The following TSC22D3 variants were observed in gnomAD, a reference collection of about 807,000 sequenced individuals.
The protein encoded by TSC22D3 is TSC22 domain family protein 3.
TSC22D3 carries 4 observed loss-of-function variants against 11.1 expected under a neutral mutation model. That is an observed-to-expected ratio of 0.36 (90% CI 0.18 to 0.83). The LOEUF is 0.83. Ranked by LOEUF, TSC22D3 falls within the 40% of genes least tolerant of loss-of-function variation. The pLI, the probability that TSC22D3 is intolerant of heterozygous loss-of-function variation, is 0.48. For missense variants in TSC22D3, 118 were observed against 159.4 expected (o/e 0.74, Z 1.40); for synonymous variants, 77 against 70.3 (o/e 1.10, Z -0.48).
At chrX:107,757,744 G>A (rs1249232772) in intron 1 of TSC22D3, among the ~76,000 whole-genome samples, 2 of 109,411 alleles carry the variant, frequency 1.8e-5, no homozygotes, top group East Asian at 5.7e-4. Flanking sequence ...AGCCCCTAAG[G>A]CGCCAAGGAG....
chrX:107,725,166 T>G (rs965456848), intron 1 of TSC22D3, among the ~76,000 whole-genome samples: 2 of 112,727 alleles, frequency 1.8e-5, no homozygotes, highest in Non-Finnish European at 3.8e-5. Context: ...TCTTTTCCAA[T>G]GCAAAAAGCC....
intron 1 of TSC22D3, among the ~76,000 whole-genome samples, chrX:107,758,914 T>C (rs996264427): frequency 2.7e-5 from 3 of 110,746 alleles, no homozygotes; most frequent in African/African-American, 9.9e-5. Flanking sequence ...GGAGTCTCGC[T>C]CTGTCGCACA....
intron 1 of TSC22D3, among the ~76,000 whole-genome samples, chrX:107,726,671 C>T (rs1927641299): frequency 1.8e-5 from 2 of 110,608 alleles, no homozygotes; most frequent in South Asian, 7.8e-4. Context: ...TTAATCTACT[C>T]TACAGATGTC....
At chrX:107,749,342 T>C (rs1342591926) in intron 1 of TSC22D3, among the ~76,000 whole-genome samples, 1 of 109,828 alleles carries the variant, frequency 9.1e-6, no homozygotes, top group Non-Finnish European at 1.9e-5. Flanking sequence ...ACCATTGCAC[T>C]CCAGCCTGGG....
intron 1 of TSC22D3, among the ~76,000 whole-genome samples, chrX:107,740,139 G>T (rs1197579681): frequency 8.9e-6 from 1 of 112,173 alleles, no homozygotes; most frequent in Non-Finnish European, 1.9e-5. Context: ...CTTACCCAAA[G>T]TCATACCGGG....
chrX:107,731,552 T>A (rs1179428849), intron 1 of TSC22D3, among the ~76,000 whole-genome samples: 1 of 111,891 alleles, frequency 8.9e-6, no homozygotes, highest in East Asian at 2.8e-4. Flanking sequence ...GTCTGGCATA[T>A]AGTATGTGCT....
chrX:107,742,557 G>A (rs947298593), intron 1 of TSC22D3, among the ~76,000 whole-genome samples: 1 of 111,187 alleles, frequency 9.0e-6, no homozygotes, highest in Non-Finnish European at 1.9e-5. Context: ...GAGTCCCCAT[G>A]TCACAAGATC....
At chrX:107,716,848 G>A (rs1190931027) in intron 1 of TSC22D3, 3 of 1,199,970 alleles carry the variant, frequency 2.5e-6, no homozygotes, top group African/African-American at 3.5e-5. Flanking sequence ...CGGGTTTCGT[G>A]CGGGGCTGGG....
chrX:107,766,381 G>A (rs1356261833), intron 1 of TSC22D3, among the ~76,000 whole-genome samples: 1 of 110,446 alleles, frequency 9.1e-6, no homozygotes, highest in East Asian at 2.9e-4. Context: ...CTCTTGAAAG[G>A]CCTTCCTTTA....
chrX:107,720,197 A>T (rs772657597), intron 1 of TSC22D3, among the ~76,000 whole-genome samples: 8 of 86,471 alleles, frequency 9.3e-5, no homozygotes, highest in Non-Finnish European at 1.7e-4. Flanking sequence ...AGATTTAGTT[A>T]AAAAAAAAAA....
intron 1 of TSC22D3, among the ~76,000 whole-genome samples, chrX:107,742,103 C>T (rs971580101): frequency 7.2e-5 from 8 of 110,373 alleles, no homozygotes; most frequent in African/African-American, 2.7e-4. Context: ...AACCTTGTCC[C>T]TCCCCCAACA....
In TSC22D3 at chrX:107,758,957, T is replaced by C. The variant is rs776232416; in HGVS notation, c.320+16143A>G. On this transcript the variant is annotated intron_variant, in intron 1 of 2. Coordinates refer to ENST00000372383, the MANE Select transcript of TSC22D3 (RefSeq NM_198057.3). Reference sequence around the variant, plus strand: ...GTGCAGTGGCGCAGTCTCGGCTCACTGCAACCTCCGCCTCCGGGGTTCAAG... The same window carrying C: ...GTGCAGTGGCGCAGTCTCGGCTCACCGCAACCTCCGCCTCCGGGGTTCAAG... 2.2e-4 allele frequency among the ~76,000 whole-genome samples: 24 copies of C among 111,451 alleles called. No individual in the cohort carries two copies. In the South Asian group the frequency reaches 5.4e-3, roughly 25 times the overall value.
At chrX:107,742,767 C>G (rs946095982) in intron 1 of TSC22D3, among the ~76,000 whole-genome samples, 4 of 111,950 alleles carry the variant, frequency 3.6e-5, no homozygotes, top group East Asian at 2.8e-4. Context: ...GGCCCCAGAC[C>G]CCAGACAGTT....
In TSC22D3 at chrX:107,750,091, T is replaced by C. The variant is rs187271079; in HGVS notation, c.320+25009A>G. On this transcript the variant is annotated intron_variant, in intron 1 of 2. Transcript: ENST00000372383. ...GCTTGAGCCCAGGAGTTCGATGTTA[T>C]TGTATGCTATGACTGCACCTGTGAA... 1.3e-4 allele frequency among the ~76,000 whole-genome samples: 14 copies of C among 111,812 alleles called. 1 individual carries two copies. The East Asian group carries it at 3.9e-3, about 31-fold the overall frequency.
chrX:107,728,632 C>T (rs1397452217), intron 1 of TSC22D3, among the ~76,000 whole-genome samples: 2 of 112,247 alleles, frequency 1.8e-5, no homozygotes, highest in African/African-American at 3.2e-5. Context: ...GAGTGAGTGG[C>T]AGCCATACAG....
intron 2 of TSC22D3, 81 bp from the exon 3 acceptor site, chrX:107,714,830 G>A: frequency 3.1e-6 from 3 of 976,873 alleles, no homozygotes; most frequent in Non-Finnish European, 4.3e-6. Flanking sequence ...TCATTGGTGT[G>A]CCTGTGCTGT....
At chrX:107,734,877 G>GAAAAAAAA (rs1928053582) in intron 1 of TSC22D3, among the ~76,000 whole-genome samples, 1 of 31,257 alleles carries the variant, frequency 3.2e-5, no homozygotes, top group African/African-American at 6.7e-4. Context: ...ACAACTCTAC[G>GAAAAAAAA]TAAAAAAAAA....
At chrX:107,728,517 C>T (rs888334118) in intron 1 of TSC22D3, among the ~76,000 whole-genome samples, 4 of 112,129 alleles carry the variant, frequency 3.6e-5, no homozygotes, top group Non-Finnish European at 7.5e-5. Flanking sequence ...GAATAGGTCA[C>T]CCACAGTGAG....
intron 1 of TSC22D3, among the ~76,000 whole-genome samples, chrX:107,724,117 T>C (rs1927492362): frequency 8.9e-6 from 1 of 112,747 alleles, no homozygotes; most frequent in African/African-American, 3.2e-5. Context: ...CTATCACATG[T>C]GAAGAGGGGC....
Sources: gnomAD v4.1 joint callset for allele counts (sites outside exome capture counted in the v4.1 genomes callset) on GRCh38, gnomAD v4.1.1 for gene constraint, MANE v1.5 for transcripts, NCBI Gene and HGNC (gene_info 2026-07-23, HGNC 2026-07-21) for gene names.